The following KLHDC1 variants were observed in gnomAD, a reference collection of about 807,000 sequenced individuals.
KLHDC1 encodes the protein kelch domain containing 1.
In KLHDC1, 53 loss-of-function variants were observed where a neutral mutation model predicts 68.3. The ratio of observed to expected loss-of-function variants is 0.78; its 90% CI spans 0.62 to 0.98. The LOEUF is 0.98. Ranked by LOEUF, KLHDC1 falls within the 50% of genes least tolerant of loss-of-function variation. The probability of loss-of-function intolerance (pLI) is 0.00; values close to 1 mark genes in which losing one functional copy is unlikely to be tolerated. For synonymous variants in KLHDC1, 148 were observed against 159.0 expected (o/e 0.93, Z 0.52); for missense variants, 470 against 492.3 (o/e 0.95, Z 0.43).
rs1594660126 is a variant in KLHDC1, at chr14:49,714,336, G to A, written c.404+3955G>A. ...AAAATACAAAAAATTAGCCAGGCGT[G>A]GTGGCAGGCACCTGTAATCCCAGCT... On this transcript the variant is annotated intron_variant, in intron 4 of 12. Coordinates refer to ENST00000359332, the MANE Select transcript of KLHDC1 (RefSeq NM_172193.3). Among the ~76,000 whole-genome samples, 3 of 151,988 alleles carry A rather than the reference G, an allele frequency of 2.0e-5. No homozygotes were observed. In the South Asian group the frequency reaches 6.2e-4, roughly 32 times the overall value.
chr14:49,741,792 T>C (rs916526716), intron 11 of KLHDC1, among the ~76,000 whole-genome samples: 2 of 152,216 alleles, frequency 1.3e-5, no homozygotes, highest in Non-Finnish European at 2.9e-5. Flanking sequence ...GCCATATTTA[T>C]ACACTATACA....
chr14:49,744,155 G>A (rs1271424139), intron 12 of KLHDC1, among the ~76,000 whole-genome samples: 6 of 151,756 alleles, frequency 4.0e-5, no homozygotes, highest in Non-Finnish European at 8.8e-5. Flanking sequence ...GGTAGCTCAC[G>A]TGTGTAGTCT....
Position 49,713,245 on chromosome 14 carries a change from C to T in KLHDC1, c.404+2864C>T, listed in dbSNP as rs531486757. Among the ~76,000 whole-genome samples the T allele has an allele frequency of 7.3e-5, 11 of 151,526 alleles. 1 individual carries two copies. In the South Asian group the frequency reaches 1.7e-3, roughly 23 times the overall value. On this transcript the variant is annotated intron_variant, in intron 4 of 12. Coordinates refer to ENST00000359332, the MANE Select transcript of KLHDC1 (RefSeq NM_172193.3). ...CTGGGATTACAGGCATGAGCTACCGCGCCCAGCCCATAGCTAACTATTTTT... is the reference window on the plus strand; with the variant it reads ...CTGGGATTACAGGCATGAGCTACCGTGCCCAGCCCATAGCTAACTATTTTT...
chr14:49,709,715 G>A lies in KLHDC1; in HGVS notation c.174G>A (p.Met58Ile). 6.4e-7 allele frequency: 1 copy of A among 1,570,232 alleles called. No homozygotes were observed. The highest frequency in any genetic ancestry group is 8.7e-7 in the Non-Finnish European group (1 of 1,155,632). The stretch of plus-strand genomic sequence containing the variant: ...CATGTTATTCTTGCTGCAGGAGAAT[G>A]CACCTCATGGAAGGAGAACTCCCAG... Reference protein sequence around the residue: ...TYDIDSGLWRMHLMEGELPAS... With the variant: ...TYDIDSGLWRIHLMEGELPAS... The change falls in exon 3 of 13, where the codon ATG (methionine) becomes ATA (isoleucine). Residue 58 changes from methionine (M) to isoleucine (I), a missense_variant. Transcript: ENST00000359332.
intron 2 of KLHDC1, 21 bp from the exon 3 acceptor site, chr14:49,709,688 T>C: frequency 7.2e-7 from 1 of 1,382,834 alleles, no homozygotes; most frequent in Non-Finnish European, 1.0e-6. Flanking sequence ...GTTATGGGAT[T>C]CCATGTTATT....
intron 12 of KLHDC1, among the ~76,000 whole-genome samples, chr14:49,749,551 G>T (rs111618660): frequency 6.6e-6 from 1 of 151,548 alleles, no homozygotes; most frequent in Non-Finnish European, 1.5e-5. Context: ...GGTGGCATGC[G>T]CCTGTAGTCC....
At chr14:49,725,423 A>T (rs1485981594) in intron 5 of KLHDC1, among the ~76,000 whole-genome samples, 1 of 152,312 alleles carries the variant, frequency 6.6e-6, no homozygotes, top group African/African-American at 2.4e-5. Context: ...ATCCTTAGAG[A>T]AAATTGAAAG....
intron 8 of KLHDC1, among the ~76,000 whole-genome samples, chr14:49,730,868 A>C (rs976770680): frequency 6.6e-6 from 1 of 152,122 alleles, no homozygotes; most frequent in African/African-American, 2.4e-5. Context: ...GCTACTCGGG[A>C]GCCTGAGGCA....
chr14:49,695,149 T>TGTGTGTGTG (rs1555337472), intron 1 of KLHDC1, among the ~76,000 whole-genome samples: 20 of 151,224 alleles, frequency 1.3e-4, no homozygotes, highest in South Asian at 4.2e-4. Flanking sequence ...TGTGTGTGTG[T>TGTGTGTGTG]TTTGAGACAA....
At chr14:49,722,736 G>A (rs921459904) in intron 4 of KLHDC1, among the ~76,000 whole-genome samples, 1 of 151,950 alleles carries the variant, frequency 6.6e-6, no homozygotes, top group Non-Finnish European at 1.5e-5. Flanking sequence ...TGAAAAGCAA[G>A]TCTCACATGG....
intron 9 of KLHDC1, among the ~76,000 whole-genome samples, chr14:49,733,516 C>T (rs1027620337): frequency 1.5e-4 from 23 of 151,628 alleles, no homozygotes; most frequent in African/African-American, 5.6e-4. Context: ...CAACCTCCAC[C>T]TCCCGGGTTC....
intron 12 of KLHDC1, among the ~76,000 whole-genome samples, chr14:49,747,141 G>C (rs1388597635): frequency 1.3e-5 from 2 of 151,924 alleles, no homozygotes; most frequent in Admixed American, 1.3e-4. Flanking sequence ...AGAGACAGGG[G>C]TTTCACCATG....
At chr14:49,700,093 C>T (rs956618923) in intron 1 of KLHDC1, 2 of 300,542 alleles carry the variant, frequency 6.7e-6, no homozygotes, top group Non-Finnish European at 1.3e-5. Context: ...GTGGCGCGAT[C>T]TCGGCTCACT....
At chr14:49,730,518 C>A (rs561029617) in intron 8 of KLHDC1, among the ~76,000 whole-genome samples, 1 of 152,156 alleles carries the variant, frequency 6.6e-6, no homozygotes, top group African/African-American at 2.4e-5. Context: ...CCGTGCCCAG[C>A]TGACATTTGC....
chr14:49,752,841 A>T lies in KLHDC1; in HGVS notation c.*1069A>T, dbSNP rs549152480. The T allele has an allele frequency of 2.6e-5, 4 of 152,260 alleles. No individual in the cohort carries two copies. The East Asian group carries it at 7.7e-4, about 29-fold the overall frequency. 9.4% of individuals were successfully genotyped at this position (152,260 alleles called of 1,614,324 possible). The stretch of plus-strand genomic sequence containing the variant: ...ATTGAATTATTAATTACAATTAATT[A>T]CTAAAAAGCTTGGTATGTAAAATTA... On this transcript the variant is annotated 3_prime_UTR_variant, in exon 13 of 13. Transcript: ENST00000359332.
intron 1 of KLHDC1, chr14:49,700,030 CTT>C (rs544505001): frequency 0.046 from 13,895 of 301,052 alleles, no homozygotes; most frequent in South Asian, 0.074. Context: ...TGCTGTGAAC[CTT>C]TTTTTTTTTT....
rs1322030802 is a variant in KLHDC1, at chr14:49,715,774, A to AT, written c.404+5394dup. Among the ~76,000 whole-genome samples, 9 of 143,216 alleles carry AT rather than the reference A, an allele frequency of 6.3e-5. No homozygotes were observed. The East Asian group carries it at 1.8e-3, about 29-fold the overall frequency. 94.0% of individuals were successfully genotyped at this position (143,216 alleles called of 152,430 possible). ...AAAAAAAAAAAAAAAAAATATATATATATATATAATAAAAGATAAAACATA... is the reference window on the plus strand; with the variant it reads ...AAAAAAAAAAAAAAAAAATATATATATTATATATAATAAAAGATAAAACATA... On this transcript the variant is annotated intron_variant, in intron 4 of 12. Transcript: ENST00000359332.
At chr14:49,709,495 C>T (rs531241295) in intron 2 of KLHDC1, among the ~76,000 whole-genome samples, 2 of 151,600 alleles carry the variant, frequency 1.3e-5, no homozygotes, top group Admixed American at 6.6e-5. Flanking sequence ...GTTCTAGTGA[C>T]GTGTGAAATT....
chr14:49,715,765 A>ATT (rs751869582), intron 4 of KLHDC1, among the ~76,000 whole-genome samples: 1 of 51,396 alleles, frequency 1.9e-5, no homozygotes, highest in African/African-American at 9.2e-5. Flanking sequence ...AAAAAAAAAA[A>ATT]ATATATATAT....
Sources: allele counts gnomAD v4.1 joint callset (sites outside exome capture counted in the v4.1 genomes callset), GRCh38; gene constraint gnomAD v4.1.1; transcripts MANE v1.5; gene names NCBI Gene and HGNC (gene_info 2026-07-23, HGNC 2026-07-21).